RBFOX1: variants seen among roughly 807,000 people sequenced by gnomAD.
RBFOX1 encodes RNA binding protein fox-1 homolog 1.
A neutral mutation model predicts 57.7 loss-of-function variants in RBFOX1; 8 were observed. The ratio of observed to expected loss-of-function variants is 0.14; its 90% CI spans 0.08 to 0.25. The LOEUF is 0.25. RBFOX1 is among the 10% of genes least tolerant of loss of function. RBFOX1 has a pLI of 1.00. For missense variants in RBFOX1, 611 were observed against 548.5 expected (o/e 1.11, Z -1.14); for synonymous variants, 326 against 222.4 (o/e 1.47, Z -4.15).
chr16:7,527,885 A>C (rs2079055803), intron 5 of RBFOX1, among the ~76,000 whole-genome samples: 1 of 152,238 alleles, frequency 6.6e-6, no homozygotes, highest in Non-Finnish European at 1.5e-5. Context: ...TACATTCATC[A>C]TAAGAATTGT....
chr16:5,559,621 G>T (rs1442204633), intron 2 of RBFOX1, among the ~76,000 whole-genome samples: 1 of 152,124 alleles, frequency 6.6e-6, no homozygotes, highest in African/African-American at 2.4e-5. Context: ...CTCCACCTGG[G>T]ACCTTGATAC....
intron 4 of RBFOX1, among the ~76,000 whole-genome samples, chr16:7,289,849 T>C (rs1178900349): frequency 6.6e-6 from 1 of 152,162 alleles, no homozygotes; most frequent in Non-Finnish European, 1.5e-5. Context: ...TTTAAATAAC[T>C]TGCCAAAAGC....
intron 3 of RBFOX1, among the ~76,000 whole-genome samples, chr16:5,687,408 C>A (rs2050537943): frequency 6.6e-6 from 1 of 152,162 alleles, no homozygotes; most frequent in African/African-American, 2.4e-5. Flanking sequence ...AACTTTTTAG[C>A]TTCCTCCTCT....
intron 4 of RBFOX1, chr16:7,332,822 T>A (rs1416427408): frequency 1.4e-6 from 2 of 1,421,676 alleles, no homozygotes; most frequent in African/African-American, 1.4e-5. Context: ...ACTTTCACAT[T>A]AAGAGTTGCT....
At chr16:6,731,723 G>A (rs191531017) in intron 3 of RBFOX1, among the ~76,000 whole-genome samples, 4 of 152,168 alleles carry the variant, frequency 2.6e-5, no homozygotes, top group Admixed American at 2.6e-4. Context: ...TTGTATATCT[G>A]GCTTCTTAGT....
At chr16:7,157,073 A>T (rs919884747) in intron 4 of RBFOX1, among the ~76,000 whole-genome samples, 6 of 152,224 alleles carry the variant, frequency 3.9e-5, no homozygotes, top group African/African-American at 1.4e-4. Flanking sequence ...ATACTTGATT[A>T]TGCTACTAAA....
intron 1 of RBFOX1, among the ~76,000 whole-genome samples, chr16:5,435,745 T>C (rs1256787786): frequency 2.0e-5 from 3 of 152,254 alleles, no homozygotes; most frequent in Non-Finnish European, 4.4e-5. Flanking sequence ...GTCAGAGCAA[T>C]TGCATAATTG....
intron 3 of RBFOX1, among the ~76,000 whole-genome samples, chr16:5,619,969 A>C (rs2048154942): frequency 1.3e-5 from 2 of 149,244 alleles, no homozygotes; most frequent in Admixed American, 6.9e-5. Context: ...TGCAGATAGT[A>C]AATTCCTAGG....
At chr16:7,347,642 C>A (rs147940194) in intron 4 of RBFOX1, among the ~76,000 whole-genome samples, 27 of 152,330 alleles carry the variant, frequency 1.8e-4, no homozygotes, top group African/African-American at 6.3e-4. Context: ...TAGGCTGTCA[C>A]ACTACTGTGA....
intron 3 of RBFOX1, among the ~76,000 whole-genome samples, chr16:5,776,870 A>G (rs953855644): frequency 1.3e-5 from 2 of 152,240 alleles, no homozygotes; most frequent in South Asian, 4.1e-4. Flanking sequence ...GCATCATCAA[A>G]CACGGTGGCC....
At chr16:7,078,261 G>C (rs1032157744) in intron 4 of RBFOX1, among the ~76,000 whole-genome samples, 1 of 152,124 alleles carries the variant, frequency 6.6e-6, no homozygotes, top group East Asian at 1.9e-4. Flanking sequence ...TAGAAAAGCT[G>C]GTTTAGAAAC....
rs550684874 is a variant in RBFOX1, at chr16:5,836,792, A to G, written c.319-30511A>G. On this transcript the variant is annotated intron_variant, in intron 3 of 19. Transcript: ENST00000641259. The stretch of plus-strand genomic sequence containing the variant: ...GTGACAACTACAAATGTCTCCTGAC[A>G]TTGCCAAAAGTTGCCTGAAGGGGAG... Among the ~76,000 whole-genome samples, 195 of 152,276 alleles carry G rather than the reference A, an allele frequency of 1.3e-3. 1 individual carries two copies. The highest frequency in any genetic ancestry group is 4.3e-3 in the African/African-American group (177 of 41,560).
At chr16:5,698,083 A>G (rs917046646) in intron 3 of RBFOX1, among the ~76,000 whole-genome samples, 31 of 152,296 alleles carry the variant, frequency 2.0e-4, no homozygotes, top group African/African-American at 7.2e-4. Context: ...TGGACTAAAC[A>G]TTATTTTATC....
At chr16:6,100,845 C>T (rs902711707) in intron 1 of RBFOX1, among the ~76,000 whole-genome samples, 1 of 152,144 alleles carries the variant, frequency 6.6e-6, no homozygotes, top group Non-Finnish European at 1.5e-5. Flanking sequence ...GTTACCATCA[C>T]CCTCTTATAG....
chr16:7,222,823 G>T (rs974107162), intron 4 of RBFOX1, among the ~76,000 whole-genome samples: 5 of 152,208 alleles, frequency 3.3e-5, no homozygotes, highest in African/African-American at 7.2e-5. Context: ...TACTCATCAT[G>T]AAAGACTGCA....
At chr16:6,633,650 G>C (rs530238863) in intron 2 of RBFOX1, among the ~76,000 whole-genome samples, 12 of 152,096 alleles carry the variant, frequency 7.9e-5, no homozygotes, top group Non-Finnish European at 1.8e-4. Flanking sequence ...AGGAAGTCAA[G>C]TAGTTACTTG....
chr16:6,152,097 C>T (rs1201952605), intron 1 of RBFOX1, among the ~76,000 whole-genome samples: 1 of 152,092 alleles, frequency 6.6e-6, no homozygotes, highest in African/African-American at 2.4e-5. Context: ...AAGAAAAACA[C>T]CCTGAAGATC....
intron 3 of RBFOX1, among the ~76,000 whole-genome samples, chr16:6,719,787 G>A (rs977559326): frequency 6.6e-6 from 1 of 151,950 alleles, no homozygotes; most frequent in Non-Finnish European, 1.5e-5. Context: ...TCTGGTTATT[G>A]TGCATATTAA....
intron 3 of RBFOX1, among the ~76,000 whole-genome samples, chr16:5,755,366 CTGAG>C (rs979476220): frequency 6.6e-6 from 1 of 152,150 alleles, no homozygotes; most frequent in African/African-American, 2.4e-5. Context: ...ATTCTGGCAA[CTGAG>C]TGAGGGACAG....
Sources: gnomAD v4.1 joint callset for allele counts (sites outside exome capture counted in the v4.1 genomes callset) on GRCh38, gnomAD v4.1.1 for gene constraint, MANE v1.5 for transcripts, NCBI Gene and HGNC (gene_info 2026-07-23, HGNC 2026-07-21) for gene names.